Variants in RALYL observed in about 807,000 individuals in gnomAD.
RALYL encodes RNA-binding Raly-like protein.
Under a neutral mutation model 35.1 loss-of-function variants are expected in RALYL, and 29 were observed. That is an observed-to-expected ratio of 0.83 (90% confidence interval 0.61 to 1.13). The LOEUF (loss-of-function observed/expected upper bound fraction) is 1.13, where lower values mean the gene tolerates loss of function less well. Ranked by LOEUF, RALYL falls within the 50% of genes most tolerant of loss-of-function variation. The pLI is 0.00. For missense variants in RALYL, 359 were observed against 360.4 expected (o/e 1.00, Z 0.03); for synonymous variants, 120 against 127.6 (o/e 0.94, Z 0.40).
At chr8:84,646,163 C>T (rs1827445258) in intron 2 of RALYL, among the ~76,000 whole-genome samples, 1 of 151,504 alleles carries the variant, frequency 6.6e-6, no homozygotes, top group African/African-American at 2.4e-5. Context: ...TCTCTCTGAC[C>T]CTTTTTCTTT....
intron 2 of RALYL, among the ~76,000 whole-genome samples, chr8:84,723,920 A>G (rs893865463): frequency 2.0e-5 from 3 of 151,504 alleles, no homozygotes; most frequent in African/African-American, 7.3e-5. Flanking sequence ...TCTTTGGGTC[A>G]CTCTTTCCAG....
rs193083206 is a variant in RALYL at position 84,322,447 on chromosome 8, G to T, written c.-24+138023G>T. ...CTTTTACTGTATATAGGTGGGTTCT[G>T]TTCCCAGCACATTATATACATGACT... is the stretch of plus-strand genomic sequence containing the variant. On this transcript the variant is annotated intron_variant, in intron 1 of 8. Transcript: ENST00000521268. 5.9e-5 allele frequency among the ~76,000 whole-genome samples: 9 copies of T among 152,232 alleles called. No individual in the cohort carries two copies. In the East Asian group the frequency reaches 1.5e-3, roughly 26 times the overall value.
intron 2 of RALYL, among the ~76,000 whole-genome samples, chr8:84,538,384 G>GA (rs1358704004): frequency 6.6e-6 from 1 of 151,998 alleles, no homozygotes; most frequent in Admixed American, 6.6e-5. Context: ...AAAATAAATA[G>GA]AAAAAATCAG....
intron 2 of RALYL, among the ~76,000 whole-genome samples, chr8:84,654,271 A>ATATT (rs1829471323): frequency 1.5e-4 from 1 of 6,536 alleles, no homozygotes. Flanking sequence ...CTCATGTTCC[A>ATATT]TATATATATA....
chr8:84,190,410 C>T (rs769417039), intron 1 of RALYL, among the ~76,000 whole-genome samples: 1 of 152,130 alleles, frequency 6.6e-6, no homozygotes, highest in Non-Finnish European at 1.5e-5. Context: ...TTCCTTGGAA[C>T]TTGAAAAAGT....
chr8:84,503,500 T>A (rs907554340), intron 1 of RALYL, among the ~76,000 whole-genome samples: 3 of 152,004 alleles, frequency 2.0e-5, no homozygotes, highest in Non-Finnish European at 4.4e-5. Context: ...TGTTAATAGA[T>A]AACATTGAAA....
chr8:84,535,522 G>A (rs2059542120), intron 2 of RALYL, among the ~76,000 whole-genome samples: 1 of 150,092 alleles, frequency 6.7e-6, no homozygotes, highest in Non-Finnish European at 1.5e-5. Flanking sequence ...TGCAAGCTCC[G>A]CCTCCTGGGT....
Position 84,361,618 on chromosome 8 carries a change from C to T in RALYL, c.-23-167681C>T, listed in dbSNP as rs529250270. ...TTTTTAATCTAGTGATGTAATTCTTCGCCAGGTTTAAAATGGAAAGCAGAA... is the reference window on the plus strand; with the variant it reads ...TTTTTAATCTAGTGATGTAATTCTTTGCCAGGTTTAAAATGGAAAGCAGAA... On this transcript the variant is annotated intron_variant, in intron 1 of 8. Coordinates refer to ENST00000521268, the MANE Select transcript of RALYL (RefSeq NM_173848.7). Among the ~76,000 whole-genome samples the T allele has an allele frequency of 1.1e-4, 17 of 152,122 alleles. 2 individuals are homozygous for T. In the South Asian group the frequency reaches 2.9e-3, roughly 26 times the overall value.
chr8:84,458,426 G>A (rs183768030), intron 1 of RALYL, among the ~76,000 whole-genome samples: 10 of 151,836 alleles, frequency 6.6e-5, no homozygotes, highest in Admixed American at 1.3e-4. Context: ...GTTCTATACT[G>A]TATCTAGAAT....
intron 2 of RALYL, among the ~76,000 whole-genome samples, chr8:84,770,040 T>C (rs974501680): frequency 2.0e-5 from 3 of 152,168 alleles, no homozygotes; most frequent in Non-Finnish European, 4.4e-5. Context: ...TATCTCTGCC[T>C]TCTTTTTTTA....
intron 1 of RALYL, among the ~76,000 whole-genome samples, chr8:84,493,033 A>T (rs1277711626): frequency 6.6e-6 from 1 of 151,912 alleles, no homozygotes; most frequent in Admixed American, 6.6e-5. Context: ...TAAGCCCCGC[A>T]TGCATTAACT....
At chr8:84,768,532 A>C (rs1028313585) in intron 2 of RALYL, among the ~76,000 whole-genome samples, 3 of 152,306 alleles carry the variant, frequency 2.0e-5, no homozygotes, top group Admixed American at 2.0e-4. Flanking sequence ...GTAAATATGC[A>C]TACAGATATC....
At chr8:84,748,682 C>A (rs886305436) in intron 2 of RALYL, among the ~76,000 whole-genome samples, 2 of 152,050 alleles carry the variant, frequency 1.3e-5, no homozygotes, top group African/African-American at 4.8e-5. Context: ...TCAAACTATG[C>A]TAATATTTAA....
chr8:84,238,848 C>T (rs1017938314), intron 1 of RALYL, among the ~76,000 whole-genome samples: 2 of 152,100 alleles, frequency 1.3e-5, no homozygotes, highest in African/African-American at 4.8e-5. Context: ...TTGTGACTTC[C>T]AGATCTGTAA....
rs557713128 is a variant in RALYL at position 84,863,292 on chromosome 8, C to G, written c.571+839C>G. On this transcript the variant is annotated intron_variant, in intron 6 of 8. Coordinates refer to ENST00000521268, the MANE Select transcript of RALYL (RefSeq NM_173848.7). ...AAAGAGAAAGTGACCTTGAAACTGT[C>G]AGAGACAGAGCATTCTGTGGAGAGA... Among the ~76,000 whole-genome samples the G allele has an allele frequency of 7.9e-5, 12 of 152,276 alleles. No individual in the cohort carries two copies. In the East Asian group the frequency reaches 1.5e-3, roughly 20 times the overall value.
At chr8:84,887,864 C>A in intron 8 of RALYL, 88 bp downstream of exon 8, 3 of 1,223,182 alleles carry the variant, frequency 2.5e-6, no homozygotes, top group South Asian at 1.5e-5. Flanking sequence ...AGGATTAAAT[C>A]ATTTGGGGCT....
At chr8:84,371,799 A>G (rs1855781405) in intron 1 of RALYL, among the ~76,000 whole-genome samples, 1 of 152,082 alleles carries the variant, frequency 6.6e-6, no homozygotes, top group African/African-American at 2.4e-5. Flanking sequence ...TTTCTTGGGA[A>G]AAAAATAAAG....
At chr8:84,579,957 T>G (rs1325037226) in intron 2 of RALYL, among the ~76,000 whole-genome samples, 1 of 152,226 alleles carries the variant, frequency 6.6e-6, no homozygotes, top group African/African-American at 2.4e-5. Context: ...TAGTGTATTT[T>G]ATCATGTAAT....
At chr8:84,435,057 A>T (rs1262304399) in intron 1 of RALYL, among the ~76,000 whole-genome samples, 1 of 152,170 alleles carries the variant, frequency 6.6e-6, no homozygotes, top group Non-Finnish European at 1.5e-5. Flanking sequence ...AGATGGAAGG[A>T]GAATGCATTA....
Sources: gnomAD v4.1 joint callset for allele counts (sites outside exome capture counted in the v4.1 genomes callset) on GRCh38, gnomAD v4.1.1 for gene constraint, MANE v1.5 for transcripts, NCBI Gene and HGNC (gene_info 2026-07-23, HGNC 2026-07-21) for gene names.